Variants in DUSP22 observed in about 807,000 individuals in gnomAD.
DUSP22 encodes the protein dual specificity phosphatase 22, also known as dual specificity protein phosphatase 22.
DUSP22 carries 24 observed loss-of-function variants against 24.5 expected under a neutral mutation model. The ratio of observed to expected loss-of-function variants is 0.98; its 90% confidence interval spans 0.71 to 1.38. The LOEUF (loss-of-function observed/expected upper bound fraction) is 1.38, where lower values mean the gene tolerates loss of function less well. Ranked by LOEUF, DUSP22 falls within the 40% of genes most tolerant of loss-of-function variation. The pLI, the probability that DUSP22 is intolerant of heterozygous loss-of-function variation, is 0.00. For missense variants in DUSP22, 330 were observed against 269.2 expected (o/e 1.23, Z -1.58); for synonymous variants, 160 against 106.4 (o/e 1.50, Z -3.10).
intron 3 of DUSP22, among the ~76,000 whole-genome samples, chr6:318,611 G>A (rs1274437489): frequency 6.6e-6 from 1 of 152,280 alleles, no homozygotes; most frequent in Non-Finnish European, 1.5e-5. Context: ...GCAGGCCTCA[G>A]CTCTCAGGAC....
At position 351,269 on chromosome 6, in the gene DUSP22, G is replaced by T. The variant is rs879483910; in HGVS notation, c.*2318G>T. ...GCTTGGGAAATAGCCCTTGGTGTGG[G>T]TTTTATCTCTGGTTTGTGTTCTCCG... On this transcript the variant is annotated 3_prime_UTR_variant, in exon 7 of 7. Transcript: ENST00000419235. The T allele has an allele frequency of 4.6e-6, 1 of 215,798 alleles. No homozygotes were observed. Among genetic ancestry groups the T allele is most frequent in the African/African-American group, 2.3e-5 (1 of 43,422 alleles). 13.4% of individuals were successfully genotyped at this position (215,798 alleles called of 1,614,324 possible). A position where few individuals can be genotyped will look rare whatever the true frequency, so the allele number is the denominator to read the frequency against.
intron 3 of DUSP22, among the ~76,000 whole-genome samples, chr6:317,310 C>T (rs774726763): frequency 4.6e-5 from 7 of 152,416 alleles, no homozygotes; most frequent in South Asian, 2.1e-4. Context: ...TTTCCTGCCA[C>T]GTGTTCCTCT....
intron 3 of DUSP22, among the ~76,000 whole-genome samples, chr6:324,423 G>A (rs1327580143): frequency 6.6e-6 from 1 of 152,306 alleles, no homozygotes; most frequent in African/African-American, 2.4e-5. Flanking sequence ...AGTGAGTGCC[G>A]CGGAGCACAG....
At chr6:297,653 G>A (rs1469625078) in intron 1 of DUSP22, among the ~76,000 whole-genome samples, 2 of 152,312 alleles carry the variant, frequency 1.3e-5, no homozygotes, top group Admixed American at 6.5e-5. Context: ...TATCCCCTGG[G>A]GAGTGAAATC....
At chr6:315,175 C>T (rs1276782522) in intron 3 of DUSP22, among the ~76,000 whole-genome samples, 3 of 152,306 alleles carry the variant, frequency 2.0e-5, no homozygotes, top group African/African-American at 4.8e-5. Flanking sequence ...AGGGGTAGAC[C>T]TTCCAGAATG....
At chr6:300,876 A>G (rs1261174645) in intron 1 of DUSP22, among the ~76,000 whole-genome samples, 1 of 152,284 alleles carries the variant, frequency 6.6e-6, no homozygotes, top group Non-Finnish European at 1.5e-5. Context: ...AGCCAGACTC[A>G]GGGGCAACCT....
chr6:305,096 G>A (rs1344082006), intron 2 of DUSP22, among the ~76,000 whole-genome samples: 22 of 152,296 alleles, frequency 1.4e-4, no homozygotes, highest in African/African-American at 5.1e-4. Flanking sequence ...TTATTTGTTC[G>A]TGGACACTTG....
chr6:323,236 G>A (rs1442309317), intron 3 of DUSP22, among the ~76,000 whole-genome samples: 1 of 104,858 alleles, frequency 9.5e-6, no homozygotes, highest in African/African-American at 3.6e-5. Context: ...AAAGGCGTGT[G>A]TGCATGTGTG....
Position 348,360 on chromosome 6 carries a change from G to T in DUSP22, c.435+86G>T, listed in dbSNP as rs1454898471. Reference sequence around the variant, plus strand: ...TCTTTCCGTACACAGCCAGCATCATGGCGTTTGGAGTTGAAAGGCCCACAG... The same window carrying T: ...TCTTTCCGTACACAGCCAGCATCATTGCGTTTGGAGTTGAAAGGCCCACAG... On this transcript the variant is annotated intron_variant, in intron 6 of 6. Transcript: ENST00000419235. 16 of 1,578,540 alleles carry T rather than the reference G, an allele frequency of 1.0e-5. No homozygotes were observed. In the East Asian group the frequency reaches 3.1e-4, roughly 31 times the overall value.
intron 3 of DUSP22, among the ~76,000 whole-genome samples, chr6:327,932 G>T (rs1700661755): frequency 6.6e-6 from 1 of 152,300 alleles, no homozygotes; most frequent in African/African-American, 2.4e-5. Context: ...CAGGAAGGGG[G>T]TTGTGGACAG....
chr6:347,475 C>T (rs920538542), intron 5 of DUSP22, among the ~76,000 whole-genome samples: 8 of 152,414 alleles, frequency 5.2e-5, no homozygotes, highest in East Asian at 1.9e-4. Flanking sequence ...ACATGTAAAA[C>T]GGGTCTCACT....
At chr6:332,050 T>A (rs1034993942) in intron 3 of DUSP22, among the ~76,000 whole-genome samples, 4 of 152,306 alleles carry the variant, frequency 2.6e-5, no homozygotes, top group African/African-American at 4.8e-5. Context: ...TATTTTTCTT[T>A]CCTTGCACTC....
At chr6:343,754 C>G (rs1217080451) in intron 4 of DUSP22, among the ~76,000 whole-genome samples, 3 of 70,846 alleles carry the variant, frequency 4.2e-5, no homozygotes, top group African/African-American at 1.9e-4. Context: ...GTCCTCATCT[C>G]ACTGAGCACC....
In DUSP22 at chr6:351,101, T is replaced by C. The variant is rs976942496; in HGVS notation, c.*2150T>C. 2 of 667,086 alleles carry C rather than the reference T, an allele frequency of 3.0e-6. No individual in the cohort carries two copies. Among genetic ancestry groups the C allele is most frequent in the African/African-American group, 3.6e-5 (2 of 55,278 alleles). The allele number at this position is 667,086 out of a possible 1,614,324, so 41.3% of individuals were successfully genotyped here. On this transcript the variant is annotated 3_prime_UTR_variant, in exon 7 of 7. Coordinates refer to ENST00000419235, the MANE Select transcript of DUSP22 (RefSeq NM_001286555.3). ...TGGAGGTTTCTGTACCTCGCTTGGA[T>C]GCCTGTAAGGATCCCGGGAGCCTTG...
intron 2 of DUSP22, among the ~76,000 whole-genome samples, chr6:305,149 C>T (rs537357370): frequency 6.6e-6 from 1 of 152,420 alleles, no homozygotes; most frequent in African/African-American, 2.4e-5. Flanking sequence ...AAAAGATCAG[C>T]TTTAGACTTC....
At chr6:346,027 A>G in intron 5 of DUSP22, 99 bp downstream of exon 5, 2 of 1,462,792 alleles carry the variant, frequency 1.4e-6, no homozygotes, top group Non-Finnish European at 1.9e-6. Flanking sequence ...TTCACCTCCT[A>G]ATAGTTTTCT....
intron 4 of DUSP22, among the ~76,000 whole-genome samples, chr6:341,732 G>A (rs2127418419): frequency 6.6e-6 from 1 of 152,426 alleles, no homozygotes; most frequent in African/African-American, 2.4e-5. Flanking sequence ...TGGTGGATAG[G>A]AGCTATGTCC....
At chr6:300,753 A>G (rs1354485930) in intron 1 of DUSP22, among the ~76,000 whole-genome samples, 1 of 152,280 alleles carries the variant, frequency 6.6e-6, no homozygotes, top group East Asian at 1.9e-4. Context: ...ACTCTTCTGC[A>G]TTTATGCATT....
intron 2 of DUSP22, among the ~76,000 whole-genome samples, chr6:305,350 CATT>C (rs1268748681): frequency 5.9e-5 from 9 of 152,304 alleles, no homozygotes; most frequent in Non-Finnish European, 1.3e-4. Flanking sequence ...CCTGTTGGAA[CATT>C]ATCATCAAAA....
Sources: gnomAD v4.1 joint callset for allele counts (sites outside exome capture counted in the v4.1 genomes callset) on GRCh38, gnomAD v4.1.1 for gene constraint, MANE v1.5 for transcripts, NCBI Gene and HGNC (gene_info 2026-07-23, HGNC 2026-07-21) for gene names.